The following TCF12 variants were observed in gnomAD, a reference collection of about 807,000 sequenced individuals.
The protein encoded by TCF12 is DNA-binding protein HTF4.
In TCF12, 45 loss-of-function variants were observed where a neutral mutation model predicts 86.0. The ratio of observed to expected loss-of-function variants is 0.52; its 90% CI spans 0.41 to 0.67. The LOEUF (loss-of-function observed/expected upper bound fraction) is 0.67. Among genes scored for constraint, TCF12 ranks in the 30% least tolerant of loss-of-function variants. TCF12 has a pLI of 0.00. For missense variants in TCF12, 881 were observed against 859.9 expected (o/e 1.02, Z -0.31); for synonymous variants, 330 against 299.6 (o/e 1.10, Z -1.05).
At chr15:57,284,491 T>TG (rs1322149765) in intron 20 of TCF12, among the ~76,000 whole-genome samples, 2 of 152,222 alleles carry the variant, frequency 1.3e-5, no homozygotes, top group African/African-American at 4.8e-5. Context: ...GTTACAGGCG[T>TG]GAGCCGCTGA....
chr15:57,040,595 A>C (rs533224251), intron 3 of TCF12, among the ~76,000 whole-genome samples: 2 of 152,336 alleles, frequency 1.3e-5, no homozygotes, highest in East Asian at 3.9e-4. Flanking sequence ...GCTGGTATTC[A>C]GTAGGAGAAG....
At position 56,954,056 on chromosome 15, in the gene TCF12, A is replaced by T. The variant is rs80174505; in HGVS notation, c.148+32958A>T. ...TCTAATATAGGCCTTTAGTGCTATA[A>T]ATTTTCTCCTAAGTTCAGCTTTAGT... On this transcript the variant is annotated intron_variant, in intron 3 of 20. Coordinates refer to ENST00000333725, the MANE Select transcript of TCF12 (RefSeq NM_207037.2). Among the ~76,000 whole-genome samples, 771 of 152,004 alleles carry T rather than the reference A, an allele frequency of 5.1e-3. 18 individuals carry two copies. In the East Asian group the frequency reaches 0.062, roughly 12 times the overall value.
intron 8 of TCF12, among the ~76,000 whole-genome samples, chr15:57,226,364 T>TC (rs2058879417): frequency 1.3e-5 from 2 of 152,152 alleles, no homozygotes; most frequent in Non-Finnish European, 1.5e-5. Context: ...GCAGGGCAAG[T>TC]TAGCCAAATA....
At chr15:57,153,049 A>T (rs1307363983) in intron 5 of TCF12, among the ~76,000 whole-genome samples, 1 of 152,258 alleles carries the variant, frequency 6.6e-6, no homozygotes, top group Non-Finnish European at 1.5e-5. Context: ...CTAATGTATT[A>T]CAATTTTTAA....
intron 12 of TCF12, among the ~76,000 whole-genome samples, chr15:57,237,146 A>AGTGT (rs202142819): frequency 0.2 from 29,798 of 150,082 alleles, 3,275 homozygotes; most frequent in East Asian, 0.41. Context: ...AGAGAGAGAG[A>AGTGT]GAGTGTGTGT....
chr15:56,989,710 A>G (rs1051509966), intron 3 of TCF12, among the ~76,000 whole-genome samples: 12 of 152,156 alleles, frequency 7.9e-5, no homozygotes, highest in Admixed American at 6.6e-5. Flanking sequence ...TGACTTAGTA[A>G]AGTATAGTAC....
intron 3 of TCF12, among the ~76,000 whole-genome samples, chr15:56,991,906 A>C (rs1004981052): frequency 5.3e-5 from 8 of 152,136 alleles, no homozygotes; most frequent in Non-Finnish European, 1.5e-5. Context: ...ACAACTTTTA[A>C]GTTTATTATG....
chr15:56,953,991 G>A (rs2061395271), intron 3 of TCF12, among the ~76,000 whole-genome samples: 1 of 150,190 alleles, frequency 6.7e-6, no homozygotes, highest in Admixed American at 6.6e-5. Context: ...TCTGGTTTGA[G>A]GTACATTATG....
Position 57,153,858 on chromosome 15 carries a change from C to CA in TCF12, c.326-12534dup, listed in dbSNP as rs1292050423. Among the ~76,000 whole-genome samples, 327 of 144,166 alleles carry CA rather than the reference C, an allele frequency of 2.3e-3. 1 individual carries two copies. The highest frequency in any genetic ancestry group is 7.0e-3 in the African/African-American group (276 of 39,340). The allele number at this position is 144,166 out of a possible 152,430, so 94.6% of individuals were successfully genotyped here. A position where few individuals can be genotyped will look rare whatever the true frequency, so the allele number is the denominator to read the frequency against. On this transcript the variant is annotated intron_variant, in intron 5 of 20. Transcript: ENST00000333725. The stretch of plus-strand genomic sequence containing the variant: ...GCAACATAGCAAGACTCTGTCTCTC[C>CA]AAAAAAAAAACCAGGTATAGTCTTA...
intron 3 of TCF12, among the ~76,000 whole-genome samples, chr15:57,001,097 A>C (rs1346562339): frequency 6.6e-6 from 1 of 150,418 alleles, no homozygotes; most frequent in African/African-American, 2.4e-5. Flanking sequence ...GCTCACTGCA[A>C]CCTGTACCTC....
intron 6 of TCF12, among the ~76,000 whole-genome samples, chr15:57,170,665 ATATATATATAATATAT>A (rs2055285057): frequency 1.7e-4 from 4 of 23,066 alleles, no homozygotes; most frequent in South Asian, 1.3e-3. Context: ...TATAAAATAT[ATATATATATAATATAT>A]TATATATAAT....
chr15:57,177,633 A>AGAGAGAGAGAGAGAGAGAGAGAGAGAGG (rs1362152149), intron 6 of TCF12, among the ~76,000 whole-genome samples: 1 of 151,624 alleles, frequency 6.6e-6, no homozygotes, highest in Non-Finnish European at 1.5e-5. Flanking sequence ...AGAGAGAGAG[A>AGAGAGAGAGAGAGAGAGAGAGAGAGAGG]GAGAGTTGGA....
intron 5 of TCF12, among the ~76,000 whole-genome samples, chr15:57,114,270 A>T (rs1248270732): frequency 6.6e-6 from 1 of 152,142 alleles, no homozygotes; most frequent in African/African-American, 2.4e-5. Flanking sequence ...CAGCCAGTAG[A>T]AGAAACTATA....
At chr15:57,185,546 CA>C (rs1246278106) in intron 6 of TCF12, among the ~76,000 whole-genome samples, 1 of 152,018 alleles carries the variant, frequency 6.6e-6, no homozygotes, top group East Asian at 1.9e-4. Flanking sequence ...CAGAAATAAA[CA>C]AAATAGAGAC....
intron 6 of TCF12, among the ~76,000 whole-genome samples, chr15:57,179,377 A>G (rs1340799093): frequency 6.6e-6 from 1 of 152,036 alleles, no homozygotes; most frequent in East Asian, 1.9e-4. Flanking sequence ...AGTCCCAGCT[A>G]CTCGGGAGGC....
In TCF12 at chr15:57,245,962, G is replaced by T. The variant is rs116036510; in HGVS notation, c.1114+2412G>T. On this transcript the variant is annotated intron_variant, in intron 13 of 20. Coordinates refer to ENST00000333725, the MANE Select transcript of TCF12 (RefSeq NM_207037.2). ...ACCCTTACCCACCCATAGCAGGGCAGAGATGAGATAGAAAGAAGAAAGGAA... is the reference window on the plus strand; with the variant it reads ...ACCCTTACCCACCCATAGCAGGGCATAGATGAGATAGAAAGAAGAAAGGAA... 4.7e-3 allele frequency among the ~76,000 whole-genome samples: 715 copies of T among 151,926 alleles called. 8 individuals carry two copies. The highest frequency in any genetic ancestry group is 0.017 in the African/African-American group (687 of 41,412).
chr15:56,966,329 A>G (rs1478732628), intron 3 of TCF12, among the ~76,000 whole-genome samples: 4 of 152,224 alleles, frequency 2.6e-5, no homozygotes, highest in South Asian at 4.1e-4. Flanking sequence ...AATGGCAGAA[A>G]ACCTAGGTTT....
At chr15:57,255,018 C>A (rs1397549903) in intron 16 of TCF12, among the ~76,000 whole-genome samples, 2 of 151,922 alleles carry the variant, frequency 1.3e-5, no homozygotes, top group African/African-American at 4.8e-5. Context: ...ACTATTTATC[C>A]TTATTTAGAA....
intron 5 of TCF12, among the ~76,000 whole-genome samples, chr15:57,133,528 G>A (rs1052409720): frequency 8.5e-5 from 13 of 152,110 alleles, no homozygotes; most frequent in African/African-American, 3.1e-4. Context: ...ACTGTGAAAT[G>A]GTGTGTTGCT....
Sources: allele counts gnomAD v4.1 joint callset (sites outside exome capture counted in the v4.1 genomes callset), GRCh38; gene constraint gnomAD v4.1.1; transcripts MANE v1.5; gene names NCBI Gene and HGNC (gene_info 2026-07-23, HGNC 2026-07-21).